The following TMEM266 variants were observed in gnomAD, a reference collection of about 807,000 sequenced individuals.
TMEM266 encodes Hv1 related protein 1.
A neutral mutation model predicts 50.5 loss-of-function variants in TMEM266; 33 were observed. The observed-to-expected ratio is 0.65, with a 90% CI of 0.50 to 0.87. The LOEUF (loss-of-function observed/expected upper bound fraction) is 0.87. Ranked by LOEUF, TMEM266 falls within the 40% of genes least tolerant of loss-of-function variation. TMEM266 has a pLI of 0.00. For synonymous variants in TMEM266, 310 were observed against 292.3 expected (o/e 1.06, Z -0.62); for missense variants, 655 against 695.1 (o/e 0.94, Z 0.65).
chr15:76,148,530 C>A (rs982321994), intron 3 of TMEM266, among the ~76,000 whole-genome samples: 9 of 152,192 alleles, frequency 5.9e-5, no homozygotes, highest in African/African-American at 2.2e-4. Context: ...CATTCCCACC[C>A]CTAAGTCAAC....
Position 76,153,989 on chromosome 15 carries a change from G to A in TMEM266, c.228-2615G>A, listed in dbSNP as rs780286348. 3.3e-5 allele frequency among the ~76,000 whole-genome samples: 5 copies of A among 152,120 alleles called. No homozygotes were observed. The South Asian group carries it at 6.2e-4, about 19-fold the overall frequency. ...CCAGGTCCCTCCCTCCTGCCCCTTC[G>A]GGACAGATGGCCTTCCCATGCGCTT... On this transcript the variant is annotated intron_variant, in intron 3 of 10. Coordinates refer to ENST00000388942, the MANE Select transcript of TMEM266 (RefSeq NM_152335.3). The surrounding 1 kb of genome is among the most constrained non-coding windows in gnomAD (Gnocchi z 4.2).
chr15:76,126,550 T>C (rs1489419254), intron 1 of TMEM266, among the ~76,000 whole-genome samples: 2 of 150,036 alleles, frequency 1.3e-5, no homozygotes, highest in Non-Finnish European at 3.0e-5. Flanking sequence ...TTTTTTTTTT[T>C]AGACGGAGTC....
At chr15:76,150,519 T>G (rs964837462) in intron 3 of TMEM266, among the ~76,000 whole-genome samples, 1 of 152,090 alleles carries the variant, frequency 6.6e-6, no homozygotes, top group Non-Finnish European at 1.5e-5. Context: ...GTCTCCACGG[T>G]CCCCCTGCTC....
chr15:76,081,532 A>C (rs561296472), intron 1 of TMEM266, among the ~76,000 whole-genome samples: 4 of 152,316 alleles, frequency 2.6e-5, no homozygotes, highest in African/African-American at 9.6e-5. Flanking sequence ...TAAGAAGGGA[A>C]CCAAATGAAT....
intron 1 of TMEM266, among the ~76,000 whole-genome samples, chr15:76,120,652 T>C (rs937725722): frequency 2.0e-5 from 3 of 148,962 alleles, no homozygotes; most frequent in Non-Finnish European, 4.4e-5. Context: ...TCCCAGCTAC[T>C]CAGGAGGCTG....
chr15:76,195,829 G>A (rs897615491), intron 9 of TMEM266, among the ~76,000 whole-genome samples: 4 of 152,238 alleles, frequency 2.6e-5, no homozygotes, highest in African/African-American at 9.6e-5. Flanking sequence ...TGCCACATTT[G>A]AGCACACAGG....
intron 2 of TMEM266, among the ~76,000 whole-genome samples, chr15:76,135,267 T>C (rs1168530248): frequency 6.6e-6 from 1 of 152,226 alleles, no homozygotes; most frequent in Non-Finnish European, 1.5e-5. Context: ...GTTCTTTGTA[T>C]CTAAGGAAAG....
chr15:76,165,791 G>C (rs561090213), intron 5 of TMEM266, among the ~76,000 whole-genome samples: 54 of 152,360 alleles, frequency 3.5e-4, no homozygotes, highest in African/African-American at 1.3e-3. Flanking sequence ...CAGGTGGTTA[G>C]TAAGGAATGA....
rs28455920 is a variant in TMEM266, at chr15:76,152,415, G to A, written c.228-4189G>A. Among the ~76,000 whole-genome samples the A allele has an allele frequency of 3.3e-5, 5 of 152,280 alleles. No individual in the cohort carries two copies. In the East Asian group the frequency reaches 5.8e-4, roughly 18 times the overall value. ...ACAGGCCTGATTGTGCAGCTGCCTCGGGTTTCTTGGGTGCTGTGTGTTGGC... is the reference window on the plus strand; with the variant it reads ...ACAGGCCTGATTGTGCAGCTGCCTCAGGTTTCTTGGGTGCTGTGTGTTGGC... On this transcript the variant is annotated intron_variant, in intron 3 of 10. Coordinates refer to ENST00000388942, the MANE Select transcript of TMEM266 (RefSeq NM_152335.3).
At chr15:76,148,269 A>G (rs1281433755) in intron 3 of TMEM266, among the ~76,000 whole-genome samples, 1 of 152,204 alleles carries the variant, frequency 6.6e-6, no homozygotes, top group South Asian at 2.1e-4. Flanking sequence ...CTGAATATTG[A>G]CTTTGGCCAA....
intron 9 of TMEM266, among the ~76,000 whole-genome samples, chr15:76,192,822 TAGG>T (rs886741735): frequency 3.9e-5 from 6 of 152,180 alleles, no homozygotes; most frequent in Admixed American, 6.5e-5. Context: ...AGCTGTCAAG[TAGG>T]AGCAGTACTG....
At chr15:76,130,750 G>T (rs949777161) in intron 1 of TMEM266, among the ~76,000 whole-genome samples, 1 of 152,176 alleles carries the variant, frequency 6.6e-6, no homozygotes, top group African/African-American at 2.4e-5. Context: ...ACGTTGGGTG[G>T]TGGGGAATTA....
intron 8 of TMEM266, among the ~76,000 whole-genome samples, chr15:76,187,639 G>A (rs180971264): frequency 6.6e-6 from 1 of 152,364 alleles, no homozygotes; most frequent in Non-Finnish European, 1.5e-5. Context: ...GTGCTGGGTT[G>A]TTGAGGTTCA....
chr15:76,200,054 G>A (rs79903439), intron 9 of TMEM266, among the ~76,000 whole-genome samples: 8 of 152,118 alleles, frequency 5.3e-5, no homozygotes, highest in Non-Finnish European at 1.0e-4. Context: ...AGGAGTTGAC[G>A]TCCCTGGAAG....
intron 1 of TMEM266, among the ~76,000 whole-genome samples, chr15:76,086,074 A>G (rs2036772966): frequency 6.6e-6 from 1 of 152,058 alleles, no homozygotes; most frequent in Admixed American, 6.6e-5. Flanking sequence ...AAAGAAAAAA[A>G]TGTCCATAAC....
At chr15:76,147,424 T>A (rs1403615144) in intron 3 of TMEM266, among the ~76,000 whole-genome samples, 1 of 152,216 alleles carries the variant, frequency 6.6e-6, no homozygotes, top group Non-Finnish European at 1.5e-5. Flanking sequence ...TTAGGATGGC[T>A]TTGCATCCTT....
chr15:76,183,857 C>T (rs186627576), intron 8 of TMEM266, among the ~76,000 whole-genome samples: 10 of 152,312 alleles, frequency 6.6e-5, no homozygotes, highest in South Asian at 2.1e-4. Context: ...GAAGCTGTCA[C>T]GCCCCCCCTC....
At chr15:76,175,494 C>T in intron 7 of TMEM266, 65 bp from the exon 8 acceptor site, 1 of 1,300,324 alleles carries the variant, frequency 7.7e-7, no homozygotes, top group Non-Finnish European at 1.1e-6. Flanking sequence ...AATGCTGGGC[C>T]CGCCCTTCCC....
chr15:76,192,071 G>A lies in TMEM266; in HGVS notation c.872G>A (p.Arg291His). 6.7e-7 allele frequency: 1 copy of A among 1,482,196 alleles called. No individual in the cohort carries two copies. Among genetic ancestry groups the A allele is most frequent in the South Asian group, 1.3e-5 (1 of 74,590 alleles). 91.8% of individuals were successfully genotyped at this position (1,482,196 alleles called of 1,614,324 possible). A position where few individuals can be genotyped will look rare whatever the true frequency, so the allele number is the denominator to read the frequency against. The change falls in exon 9 of 11, where the codon CGC becomes CAC. Residue 291 changes from arginine (R) to histidine (H), a missense_variant. By Grantham distance (29) the Arg-to-His change is conservative. Transcript: ENST00000388942. Reference sequence around the variant, plus strand: ...GCCCCGCACGTGCTCAGCCAGCCGCGCAGCCGCTTCAAAGTGTTGGAGGCC... The same window carrying A: ...GCCCCGCACGTGCTCAGCCAGCCGCACAGCCGCTTCAAAGTGTTGGAGGCC...
Sources: allele counts gnomAD v4.1 joint callset (sites outside exome capture counted in the v4.1 genomes callset), GRCh38; gene constraint gnomAD v4.1.1; non-coding constraint Gnocchi (gnomAD v3.1); transcripts MANE v1.5; gene names NCBI Gene and HGNC (gene_info 2026-07-23, HGNC 2026-07-21).